Variants in PDE4D observed in about 807,000 individuals in gnomAD.
The protein encoded by PDE4D is 3',5'-cyclic-AMP phosphodiesterase 4D.
Under a neutral mutation model 87.4 loss-of-function variants are expected in PDE4D, and 24 were observed. The observed-to-expected ratio is 0.27, with a 90% CI of 0.20 to 0.39. PDE4D has a LOEUF of 0.39. PDE4D is among the 10% of genes least tolerant of loss of function. The pLI, the probability that PDE4D is intolerant of heterozygous loss-of-function variation, is 1.00. For synonymous variants in PDE4D, 384 were observed against 383.2 expected (o/e 1.00, Z -0.02); for missense variants, 714 against 1,041.0 (o/e 0.69, Z 4.32).
chr5:60,097,496 T>C (rs1775799017), intron 2 of PDE4D, among the ~76,000 whole-genome samples: 1 of 152,070 alleles, frequency 6.6e-6, no homozygotes, highest in Non-Finnish European at 1.5e-5. Flanking sequence ...GTTATTAGGT[T>C]ATACAGTTTT....
chr5:59,265,595 G>A (rs1762738045), intron 1 of PDE4D, among the ~76,000 whole-genome samples: 1 of 152,058 alleles, frequency 6.6e-6, no homozygotes, highest in Admixed American at 6.6e-5. Flanking sequence ...TCACTCACAA[G>A]GAGCCAGCCA....
At chr5:59,362,155 T>C (rs1026323700) in intron 1 of PDE4D, among the ~76,000 whole-genome samples, 4 of 152,178 alleles carry the variant, frequency 2.6e-5, no homozygotes, top group African/African-American at 4.8e-5. Context: ...AGGCAATTTA[T>C]ATAAAAACAT....
At chr5:59,279,793 A>G (rs1179577571) in intron 1 of PDE4D, among the ~76,000 whole-genome samples, 2 of 148,814 alleles carry the variant, frequency 1.3e-5, no homozygotes, top group Non-Finnish European at 3.0e-5. Context: ...GTGTGCATGT[A>G]TGTATGTGTA....
At chr5:60,451,755 C>T (rs1428583849) in intron 1 of PDE4D, among the ~76,000 whole-genome samples, 3 of 151,972 alleles carry the variant, frequency 2.0e-5, no homozygotes, top group East Asian at 3.9e-4. Flanking sequence ...GCTATGCTGC[C>T]GAACTCTCTA....
chr5:60,436,405 C>T (rs1744762187), intron 1 of PDE4D, among the ~76,000 whole-genome samples: 1 of 152,034 alleles, frequency 6.6e-6, no homozygotes, highest in Non-Finnish European at 1.5e-5. Flanking sequence ...TTTCCCTGAG[C>T]TCTCCTTTGA....
chr5:59,952,525 G>A (rs991094878), intron 3 of PDE4D, among the ~76,000 whole-genome samples: 5 of 152,008 alleles, frequency 3.3e-5, no homozygotes, highest in African/African-American at 4.8e-5. Context: ...GTTACTTTAC[G>A]TTGTGACTGG....
At chr5:59,614,979 A>G (rs1829477508) in intron 1 of PDE4D, among the ~76,000 whole-genome samples, 1 of 151,874 alleles carries the variant, frequency 6.6e-6, no homozygotes, top group African/African-American at 2.4e-5. Context: ...ACAGGCACGC[A>G]CTACCACACC....
At chr5:59,296,153 T>G (rs1293064055) in intron 1 of PDE4D, among the ~76,000 whole-genome samples, 1 of 152,176 alleles carries the variant, frequency 6.6e-6, no homozygotes, top group Non-Finnish European at 1.5e-5. Context: ...AGCCATTGTT[T>G]GGGACATACT....
At chr5:59,231,391 G>A (rs1755154072) in intron 1 of PDE4D, among the ~76,000 whole-genome samples, 1 of 152,298 alleles carries the variant, frequency 6.6e-6, no homozygotes, top group Non-Finnish European at 1.5e-5. Flanking sequence ...AATATTGCAT[G>A]CCACTTTCAG....
At chr5:59,832,875 G>A (rs928675559) in intron 1 of PDE4D, among the ~76,000 whole-genome samples, 6 of 151,948 alleles carry the variant, frequency 3.9e-5, no homozygotes, top group Non-Finnish European at 5.9e-5. Context: ...TTAATTTCAA[G>A]GAAATCTGAC....
In PDE4D at chr5:60,458,745, C is replaced by T. The variant is rs537582961; in HGVS notation, c.-90+29197G>A. Among the ~76,000 whole-genome samples, 55 of 143,088 alleles carry T rather than the reference C, an allele frequency of 3.8e-4. No individual in the cohort carries two copies. The East Asian group carries it at 0.01, about 27-fold the overall frequency. 93.9% of individuals were successfully genotyped at this position (143,088 alleles called of 152,430 possible). A position where few individuals can be genotyped will look rare whatever the true frequency, so the allele number is the denominator to read the frequency against. On this transcript the variant is annotated intron_variant, in intron 1 of 16. Transcript: ENST00000502484. Reference sequence around the variant, plus strand: ...AGCACATCAAGATAATGAGTGAGCACACGCACCACACCCGGACTCATGGAT... The same window carrying T: ...AGCACATCAAGATAATGAGTGAGCATACGCACCACACCCGGACTCATGGAT...
intron 2 of PDE4D, among the ~76,000 whole-genome samples, chr5:59,205,221 G>A (rs168834): frequency 0.037 from 5,586 of 152,012 alleles, 584 homozygotes; most frequent in East Asian, 0.37. Flanking sequence ...TAAACTATAC[G>A]TATTCCTTTG....
chr5:59,752,843 G>C (rs1760678197), intron 1 of PDE4D, among the ~76,000 whole-genome samples: 1 of 151,882 alleles, frequency 6.6e-6, no homozygotes, highest in African/African-American at 2.4e-5. Flanking sequence ...ATAACACATA[G>C]GGTTGCAGAG....
chr5:59,836,912 C>T (rs1313978182), intron 1 of PDE4D, among the ~76,000 whole-genome samples: 2 of 151,992 alleles, frequency 1.3e-5, no homozygotes, highest in East Asian at 1.9e-4. Context: ...TACTTCTTTG[C>T]ACCCTCAGAG....
chr5:59,590,939 T>A (rs1367322399), intron 1 of PDE4D, among the ~76,000 whole-genome samples: 1 of 152,178 alleles, frequency 6.6e-6, no homozygotes, highest in Non-Finnish European at 1.5e-5. Context: ...TAAAACCCTT[T>A]TCTCTCATGG....
intron 3 of PDE4D, among the ~76,000 whole-genome samples, chr5:59,972,151 G>A (rs1048183525): frequency 2.6e-5 from 4 of 152,218 alleles, no homozygotes; most frequent in African/African-American, 4.8e-5. Context: ...AGGAACATCA[G>A]ATTGACTACA....
intron 1 of PDE4D, among the ~76,000 whole-genome samples, chr5:59,775,026 T>C (rs1435770604): frequency 6.6e-6 from 1 of 152,146 alleles, no homozygotes; most frequent in Non-Finnish European, 1.5e-5. Flanking sequence ...GCATGTTTAT[T>C]TTATTTCAGA....
intron 2 of PDE4D, among the ~76,000 whole-genome samples, chr5:60,098,342 G>A (rs192545715): frequency 6.6e-6 from 1 of 151,986 alleles, no homozygotes; most frequent in East Asian, 1.9e-4. Context: ...TTGGAATTTT[G>A]ATAGGGGTTG....
At chr5:59,803,684 C>T (rs1212428273) in intron 1 of PDE4D, among the ~76,000 whole-genome samples, 1 of 152,080 alleles carries the variant, frequency 6.6e-6, no homozygotes, top group African/African-American at 2.4e-5. Context: ...AACGAGTGCT[C>T]TAAGGTTTTC....
Sources: allele counts gnomAD v4.1 joint callset (sites outside exome capture counted in the v4.1 genomes callset), GRCh38; gene constraint gnomAD v4.1.1; transcripts MANE v1.5; gene names NCBI Gene and HGNC (gene_info 2026-07-23, HGNC 2026-07-21).